STIM1: variants seen among roughly 807,000 people sequenced by gnomAD.
The protein encoded by STIM1 is stromal interaction molecule 1.
In STIM1, 25 loss-of-function variants were observed where a neutral mutation model predicts 74.7. The ratio of observed to expected loss-of-function variants is 0.33; its 90% CI spans 0.24 to 0.47. The LOEUF (loss-of-function observed/expected upper bound fraction) is 0.47, where lower values mean the gene tolerates loss of function less well. Among genes scored for constraint, STIM1 ranks in the 20% least tolerant of loss-of-function variants. The probability of loss-of-function intolerance (pLI) is 1.00; values close to 1 mark genes in which losing one functional copy is unlikely to be tolerated. For missense variants in STIM1, 728 were observed against 920.8 expected, an observed-to-expected ratio of 0.79 and a Z score of 2.71; for synonymous variants, 328 against 348.8, an observed-to-expected ratio of 0.94 and a Z score of 0.66.
rs1565172165 is a variant in STIM1, at chr11:4,086,510, T to C, written c.1601T>C (p.Leu534Pro). ...CTGCAGAGCAGTGTTCGGCAGCGCC[T>C]GACGGAGCCACAGCATGGCCTGGGA... ...PSLQSSVRQR[L>P]TEPQHGLGSQ... The change falls in exon 12 of 13, where the codon CTG becomes CCG. Residue 534 changes from leucine to proline, a missense_variant. Leu to Pro is a moderately conservative substitution (Grantham distance 98). Transcript: ENST00000526596. 3 of 1,614,182 alleles carry C rather than the reference T, an allele frequency of 1.9e-6. No homozygotes were observed. The highest frequency in any genetic ancestry group is 2.5e-6 in the Non-Finnish European group (3 of 1,180,038).
rs2090350332 is a variant in STIM1, at chr11:3,855,972, A to C, written c.-299A>C. ...TCCGCAGGGGTGTAGTAATCTGCGGAGCTGACAGCAGCCCCGCAGCCACCC... is the reference window on the plus strand; with the variant it reads ...TCCGCAGGGGTGTAGTAATCTGCGGCGCTGACAGCAGCCCCGCAGCCACCC... On this transcript the variant is annotated 5_prime_UTR_variant, in exon 1 of 13. Coordinates refer to ENST00000526596, the MANE Select transcript of STIM1 (RefSeq NM_001382567.1). 8.7e-6 allele frequency: 4 copies of C among 459,250 alleles called. No individual in the cohort carries two copies. The Admixed American group carries it at 1.4e-4, about 16-fold the overall frequency. The allele number at this position is 459,250 out of a possible 1,614,324, so 28.4% of individuals were successfully genotyped here. A position where few individuals can be genotyped will look rare whatever the true frequency, so the allele number is the denominator to read the frequency against.
At chr11:3,990,790 T>C (rs2135846675) in intron 2 of STIM1, among the ~76,000 whole-genome samples, 1 of 152,376 alleles carries the variant, frequency 6.6e-6, no homozygotes, top group South Asian at 2.1e-4. Flanking sequence ...TCATTTATTT[T>C]ATTTTTTATT....
intron 2 of STIM1, among the ~76,000 whole-genome samples, chr11:4,013,069 G>A (rs2093855305): frequency 6.6e-6 from 1 of 152,242 alleles, no homozygotes; most frequent in East Asian, 1.9e-4. Context: ...ATCCCAGGAT[G>A]AAGCCAACTT....
chr11:3,982,556 A>G (rs2093516864), intron 2 of STIM1, among the ~76,000 whole-genome samples: 1 of 152,174 alleles, frequency 6.6e-6, no homozygotes, highest in Non-Finnish European at 1.5e-5. Context: ...TGTCTCATAT[A>G]ATCCTTACAA....
At chr11:3,999,013 A>G (rs1464700525) in intron 2 of STIM1, among the ~76,000 whole-genome samples, 1 of 152,232 alleles carries the variant, frequency 6.6e-6, no homozygotes, top group Non-Finnish European at 1.5e-5. Context: ...CACAGAAAAT[A>G]TACATCAATG....
chr11:3,905,001 A>ATATGTGTG (rs1282360839), intron 1 of STIM1, among the ~76,000 whole-genome samples: 1 of 152,156 alleles, frequency 6.6e-6, no homozygotes, highest in African/African-American at 2.4e-5. Flanking sequence ...AGGATAGAGC[A>ATATGTGTG]GAGAGGAACT....
chr11:3,924,209 T>C (rs2092758257), intron 1 of STIM1, among the ~76,000 whole-genome samples: 1 of 150,322 alleles, frequency 6.7e-6, no homozygotes. Context: ...TTTTCTTTTT[T>C]TTTTTTTGAG....
At chr11:3,957,079 T>C (rs1025082817) in intron 1 of STIM1, among the ~76,000 whole-genome samples, 1 of 152,020 alleles carries the variant, frequency 6.6e-6, no homozygotes, top group African/African-American at 2.4e-5. Flanking sequence ...TGGAATCAAA[T>C]GCTATGAAAA....
At chr11:3,953,772 A>G (rs1227787870) in intron 1 of STIM1, among the ~76,000 whole-genome samples, 2 of 142,172 alleles carry the variant, frequency 1.4e-5, no homozygotes, top group Non-Finnish European at 3.1e-5. Flanking sequence ...TGACTTCTTG[A>G]TCTTCTTCTT....
chr11:3,856,436 G>C, intron 1 of STIM1, 27 bp downstream of exon 1: 1 of 1,610,070 alleles, frequency 6.2e-7, no homozygotes, highest in East Asian at 2.2e-5. Flanking sequence ...GGCTGGACTG[G>C]GCTGGAGGCT....
chr11:4,013,121 T>C (rs1481142392), intron 2 of STIM1, among the ~76,000 whole-genome samples: 1 of 152,254 alleles, frequency 6.6e-6, no homozygotes, highest in Non-Finnish European at 1.5e-5. Context: ...CTGTATTCGG[T>C]GTGCCAGTAT....
intron 1 of STIM1, among the ~76,000 whole-genome samples, chr11:3,949,807 G>A (rs1173362794): frequency 2.0e-5 from 3 of 152,166 alleles, no homozygotes; most frequent in Non-Finnish European, 2.9e-5. Flanking sequence ...ATCATGGCCA[G>A]GATATTGACA....
chr11:3,945,415 A>G (rs1316315093), intron 1 of STIM1, among the ~76,000 whole-genome samples: 1 of 151,618 alleles, frequency 6.6e-6, no homozygotes, highest in Non-Finnish European at 1.5e-5. Flanking sequence ...AATCTTTACT[A>G]AAAATAAAAA....
chr11:3,987,081 A>G (rs2093564459), intron 2 of STIM1, among the ~76,000 whole-genome samples: 1 of 152,138 alleles, frequency 6.6e-6, no homozygotes, highest in Admixed American at 6.5e-5. Context: ...GGGTCCCTTG[A>G]CAAGGGGGCT....
At chr11:4,054,944 T>A (rs998760033) in intron 3 of STIM1, among the ~76,000 whole-genome samples, 14 of 152,242 alleles carry the variant, frequency 9.2e-5, no homozygotes, top group African/African-American at 3.4e-4. Context: ...CATCAGAATC[T>A]GTGCTTCACT....
At chr11:4,045,280 C>T (rs1321771598) in intron 3 of STIM1, among the ~76,000 whole-genome samples, 1 of 152,090 alleles carries the variant, frequency 6.6e-6, no homozygotes, top group Non-Finnish European at 1.5e-5. Flanking sequence ...GTGTGTTGTT[C>T]TCTGTACTTT....
At chr11:4,074,158 C>A (rs773277891) in intron 6 of STIM1, among the ~76,000 whole-genome samples, 8 of 152,180 alleles carry the variant, frequency 5.3e-5, no homozygotes, top group Non-Finnish European at 1.2e-4. Flanking sequence ...GATAATGATA[C>A]CAATATATCA....
At chr11:4,010,273 C>A (rs2093823426) in intron 2 of STIM1, among the ~76,000 whole-genome samples, 1 of 149,520 alleles carries the variant, frequency 6.7e-6, no homozygotes, top group Admixed American at 6.7e-5. Context: ...CAGGTTTAAG[C>A]AATTGTTGTG....
chr11:3,970,760 G>T (rs1332977187), intron 2 of STIM1, among the ~76,000 whole-genome samples: 1 of 151,952 alleles, frequency 6.6e-6, no homozygotes, highest in Non-Finnish European at 1.5e-5. Flanking sequence ...TAAAAAAAAA[G>T]AAGTTAAATA....
Sources: allele counts gnomAD v4.1 joint callset (sites outside exome capture counted in the v4.1 genomes callset), GRCh38; gene constraint gnomAD v4.1.1; transcripts MANE v1.5; gene names NCBI Gene and HGNC (gene_info 2026-07-23, HGNC 2026-07-21).